Variants in SLC9A9 observed in about 807,000 individuals in gnomAD.
The protein encoded by SLC9A9 is solute carrier family 9 member A9.
Under a neutral mutation model 77.8 loss-of-function variants are expected in SLC9A9, and 62 were observed. That is an observed-to-expected ratio of 0.80 (90% confidence interval 0.65 to 0.98). The LOEUF is 0.98. Among genes scored for constraint, SLC9A9 ranks in the 50% least tolerant of loss-of-function variants. The probability of loss-of-function intolerance (pLI) is 0.00; values close to 1 mark genes in which losing one functional copy is unlikely to be tolerated. For missense variants in SLC9A9, 775 were observed against 774.9 expected, an observed-to-expected ratio of 1.00 and a Z score of 0.00; for synonymous variants, 320 against 283.5, an observed-to-expected ratio of 1.13 and a Z score of -1.29.
At chr3:143,548,655 C>G (rs1240308084) in intron 9 of SLC9A9, among the ~76,000 whole-genome samples, 3 of 152,280 alleles carry the variant, frequency 2.0e-5, no homozygotes. Context: ...CATAGTGCCT[C>G]TGTCATACTG....
chr3:143,702,475 A>G (rs1211078472), intron 4 of SLC9A9, among the ~76,000 whole-genome samples: 1 of 152,136 alleles, frequency 6.6e-6, no homozygotes, highest in South Asian at 2.1e-4. Flanking sequence ...TTGTTTGCTT[A>G]TGCAAACAGT....
At chr3:143,575,253 AG>A (rs1285680046) in intron 7 of SLC9A9, among the ~76,000 whole-genome samples, 7 of 152,210 alleles carry the variant, frequency 4.6e-5, no homozygotes, top group African/African-American at 1.7e-4. Context: ...AGTTTTAGAA[AG>A]CACAAAGGCA....
intron 6 of SLC9A9, among the ~76,000 whole-genome samples, chr3:143,646,955 T>C (rs2038717054): frequency 6.6e-6 from 1 of 152,212 alleles, no homozygotes; most frequent in Non-Finnish European, 1.5e-5. Context: ...CTGATCTTAT[T>C]TAGTATAGCT....
intron 12 of SLC9A9, among the ~76,000 whole-genome samples, chr3:143,388,681 T>C (rs981835781): frequency 6.6e-6 from 1 of 152,180 alleles, no homozygotes; most frequent in Non-Finnish European, 1.5e-5. Flanking sequence ...AGATACAATA[T>C]AGGTTAAAGA....
At chr3:143,301,071 A>T (rs1484214129) in intron 14 of SLC9A9, among the ~76,000 whole-genome samples, 1 of 152,158 alleles carries the variant, frequency 6.6e-6, no homozygotes, top group African/African-American at 2.4e-5. Flanking sequence ...CTTCACCATG[A>T]CCTTGGGAAA....
intron 12 of SLC9A9, among the ~76,000 whole-genome samples, chr3:143,434,464 G>A (rs1253157164): frequency 6.6e-6 from 1 of 152,156 alleles, no homozygotes; most frequent in Non-Finnish European, 1.5e-5. Context: ...GGCTGAAGAA[G>A]TCCTCCTGGA....
chr3:143,677,106 C>A (rs898472857), intron 5 of SLC9A9, among the ~76,000 whole-genome samples: 2 of 152,114 alleles, frequency 1.3e-5, no homozygotes, highest in Non-Finnish European at 2.9e-5. Context: ...AACTCACAAA[C>A]CAAATATTTT....
chr3:143,485,672 C>A (rs1488772918), intron 11 of SLC9A9, among the ~76,000 whole-genome samples: 9 of 151,984 alleles, frequency 5.9e-5, no homozygotes, highest in Admixed American at 5.2e-4. Context: ...TAATATTAGA[C>A]TCAAATGTCA....
intron 14 of SLC9A9, among the ~76,000 whole-genome samples, chr3:143,319,508 A>T (rs1399241298): frequency 6.6e-6 from 1 of 152,238 alleles, no homozygotes; most frequent in Non-Finnish European, 1.5e-5. Context: ...GCCTCACAGG[A>T]CAGTGGCTGT....
chr3:143,846,731 G>A (rs1417849963), intron 1 of SLC9A9, among the ~76,000 whole-genome samples: 1 of 146,340 alleles, frequency 6.8e-6, no homozygotes, highest in Non-Finnish European at 1.5e-5. Context: ...GCAAAAAAAG[G>A]TTTTTTTTTT....
intron 13 of SLC9A9, among the ~76,000 whole-genome samples, chr3:143,377,202 C>T (rs1003550194): frequency 7.9e-5 from 12 of 152,130 alleles, no homozygotes; most frequent in African/African-American, 2.9e-4. Context: ...TCTGGAAGGC[C>T]CTGAATAAGA....
chr3:143,545,781 T>G (rs553687892), intron 9 of SLC9A9, among the ~76,000 whole-genome samples: 2 of 152,330 alleles, frequency 1.3e-5, no homozygotes, highest in East Asian at 3.9e-4. Flanking sequence ...ATCCTTGGAT[T>G]TGCTTTGACA....
intron 6 of SLC9A9, among the ~76,000 whole-genome samples, chr3:143,599,430 G>A (rs931497794): frequency 1.3e-5 from 2 of 152,064 alleles, no homozygotes; most frequent in Admixed American, 1.3e-4. Context: ...AAATACGGCT[G>A]TGCTTAACAT....
chr3:143,791,084 T>C (rs2108854916), intron 4 of SLC9A9, among the ~76,000 whole-genome samples: 1 of 152,298 alleles, frequency 6.6e-6, no homozygotes, highest in East Asian at 1.9e-4. Context: ...ATGGAGGACA[T>C]GAATACAGAA....
At chr3:143,343,948 C>T (rs2032185750) in intron 14 of SLC9A9, among the ~76,000 whole-genome samples, 1 of 152,040 alleles carries the variant, frequency 6.6e-6, no homozygotes, top group Non-Finnish European at 1.5e-5. Flanking sequence ...CATGTAACTC[C>T]CAGAATAATT....
At chr3:143,324,734 A>G (rs1202977982) in intron 14 of SLC9A9, among the ~76,000 whole-genome samples, 1 of 152,154 alleles carries the variant, frequency 6.6e-6, no homozygotes, top group Non-Finnish European at 1.5e-5. Flanking sequence ...AGGCAGGAAG[A>G]TCACCTGAGC....
intron 13 of SLC9A9, among the ~76,000 whole-genome samples, chr3:143,370,937 G>A (rs2033045675): frequency 6.6e-6 from 1 of 152,052 alleles, no homozygotes; most frequent in Non-Finnish European, 1.5e-5. Flanking sequence ...CTTGCTGCCT[G>A]TAAGTCATTC....
At chr3:143,377,548 G>T (rs1274275871) in intron 13 of SLC9A9, among the ~76,000 whole-genome samples, 1 of 151,962 alleles carries the variant, frequency 6.6e-6, no homozygotes, top group African/African-American at 2.4e-5. Flanking sequence ...CAAGAATAAA[G>T]GACAACCAAA....
At position 143,293,932 on chromosome 3, in the gene SLC9A9, A is replaced by C. The variant is rs191534786; in HGVS notation, c.1605-24952T>G. On this transcript the variant is annotated intron_variant, in intron 14 of 15. Coordinates refer to ENST00000316549, the MANE Select transcript of SLC9A9 (RefSeq NM_173653.4). The stretch of plus-strand genomic sequence containing the variant: ...AGCATTGAATTAGGAACCAGCGTTA[A>C]AAAAATAAATCTCATACACATCTAT... Among the ~76,000 whole-genome samples, 85 of 152,328 alleles carry C rather than the reference A, an allele frequency of 5.6e-4. 1 individual carries two copies. In the East Asian group the frequency reaches 0.015, roughly 26 times the overall value.
Sources: gnomAD v4.1 joint callset for allele counts (sites outside exome capture counted in the v4.1 genomes callset) on GRCh38, gnomAD v4.1.1 for gene constraint, MANE v1.5 for transcripts, NCBI Gene and HGNC (gene_info 2026-07-23, HGNC 2026-07-21) for gene names.